The following LRP1 variants were observed in gnomAD, a reference collection of about 807,000 sequenced individuals.
LRP1 encodes LDL receptor related protein 1.
LRP1 carries 51 observed loss-of-function variants against 541.5 expected under a neutral mutation model. That is an observed-to-expected ratio of 0.09 (90% CI 0.08 to 0.12). LRP1 has a LOEUF of 0.12. Among genes scored for constraint, LRP1 ranks in the 10% least tolerant of loss-of-function variants. LRP1 has a pLI of 1.00. For synonymous variants in LRP1, 2,219 were observed against 2,470.8 expected (o/e 0.90, Z 3.02); for missense variants, 3,878 against 6,376.2 (o/e 0.61, Z 13.34).
At chr12:57,132,891 T>G (rs1006935780) in intron 1 of LRP1, among the ~76,000 whole-genome samples, 20 of 151,754 alleles carry the variant, frequency 1.3e-4, no homozygotes, top group South Asian at 2.1e-4. Context: ...TTGGCTATTT[T>G]TCCCCCTTCC....
In LRP1 at chr12:57,198,531, C is replaced by T. The variant is rs376648494; in HGVS notation, c.9537C>T (p.Ser3179=). ...LIGRIGMDGS[S]RSVIVDTKIT... The stretch of plus-strand genomic sequence containing the variant: ...GCCGCATCGGCATGGATGGGTCCAG[C>T]CGCAGCGTCATCGTGGACACCAAGA... The change falls in exon 60 of 89, where the codon AGC becomes AGT. Residue 3179 remains serine (S), a synonymous_variant. Transcript: ENST00000243077. 1.9e-6 allele frequency: 3 copies of T among 1,614,082 alleles called. No homozygotes were observed. Among genetic ancestry groups the T allele is most frequent in the Non-Finnish European group, 1.7e-6 (2 of 1,180,012 alleles).
Position 57,179,689 on chromosome 12 carries a change from C to T in LRP1, c.4967-93C>T. On this transcript the variant is annotated intron_variant, in intron 29 of 88. Transcript: ENST00000243077. This position sits in a 1 kb window ranked among gnomAD's most constrained non-coding sequence, Gnocchi z 6.8. The stretch of plus-strand genomic sequence containing the variant: ...CCCCCTCAGTGCTCCAGCCTGGTTT[C>T]CTGATCCCTTTTCTCCAGAAGGCAC... 7.0e-7 allele frequency: 1 copy of T among 1,434,906 alleles called. No homozygotes were observed. The allele number at this position is 1,434,906 out of a possible 1,614,324, so 88.9% of individuals were successfully genotyped here. A position where few individuals can be genotyped will look rare whatever the true frequency, so the allele number is the denominator to read the frequency against.
chr12:57,148,024 C>T (rs1039037274), intron 6 of LRP1, among the ~76,000 whole-genome samples: 3 of 152,296 alleles, frequency 2.0e-5, no homozygotes, highest in South Asian at 4.1e-4. Flanking sequence ...ATTCCAAGAC[C>T]AGAGAACTCC....
chr12:57,174,520 A>G (rs2036006227), intron 22 of LRP1, among the ~76,000 whole-genome samples: 2 of 152,212 alleles, frequency 1.3e-5, no homozygotes, highest in African/African-American at 4.8e-5. Flanking sequence ...CACACCTGTC[A>G]TTCCAGCACT....
At chr12:57,157,854 G>A (rs553844795) in intron 10 of LRP1, among the ~76,000 whole-genome samples, 167 of 152,348 alleles carry the variant, frequency 1.1e-3, no homozygotes, top group African/African-American at 3.9e-3. Context: ...TGGTGTGAGG[G>A]CAGAGAAGGA....
In LRP1 at chr12:57,185,490, C is replaced by T. The variant is rs2036251018; in HGVS notation, c.6464-41C>T. 1 of 1,530,028 alleles carries T rather than the reference C, an allele frequency of 6.5e-7. No individual in the cohort carries two copies. Among genetic ancestry groups the T allele is most frequent in the Non-Finnish European group, 8.8e-7 (1 of 1,141,608 alleles). The allele number at this position is 1,530,028 out of a possible 1,614,324, so 94.8% of individuals were successfully genotyped here. On this transcript the variant is annotated intron_variant, in intron 40 of 88. Coordinates refer to ENST00000243077, the MANE Select transcript of LRP1 (RefSeq NM_002332.3). This position sits in a 1 kb window ranked among gnomAD's most constrained non-coding sequence, Gnocchi z 4.9. Reference sequence around the variant, plus strand: ...ATGACAAAGGCACCAGTGAGCCTTTCCCAAGGCAGGCCCTGCCCTCTGTAC... The same window carrying T: ...ATGACAAAGGCACCAGTGAGCCTTTTCCAAGGCAGGCCCTGCCCTCTGTAC...
chr12:57,200,408 C>A, intron 62 of LRP1, 34 bp from the exon 63 acceptor site: 1 of 1,231,700 alleles, frequency 8.1e-7, no homozygotes, highest in South Asian at 1.2e-5. Context: ...CCCCAGACCC[C>A]CACCAACCCC....
chr12:57,129,444 G>T (rs923908528), intron 1 of LRP1, among the ~76,000 whole-genome samples: 1 of 152,172 alleles, frequency 6.6e-6, no homozygotes, highest in Non-Finnish European at 1.5e-5. Context: ...TGGGGGTGGG[G>T]GGGGTGGCTT....
At position 57,195,707 on chromosome 12, in the gene LRP1, G is replaced by A. The variant is rs770849832; in HGVS notation, c.8487G>A (p.Gln2829=). ...GTGAGTTCATGTGCCAGAACCGCCA[G>A]TGCATCCCCAAGCACTTCGTGTGTG... ...DDREFMCQNR[Q]CIPKHFVCDH... The change falls in exon 53 of 89, where the codon CAG becomes CAA. Residue 2829 remains glutamine (Q), a synonymous_variant. Transcript: ENST00000243077. 30 of 1,614,178 alleles carry A rather than the reference G, an allele frequency of 1.9e-5. 1 individual carries two copies. In the Middle Eastern group the frequency reaches 4.9e-4, roughly 27 times the overall value.
Position 57,210,806 on chromosome 12 carries a change from C to T in LRP1, c.12843C>T (p.Thr4281=), listed in dbSNP as rs893278214. 3 of 1,613,440 alleles carry T rather than the reference C, an allele frequency of 1.9e-6. No individual in the cohort carries two copies. The highest frequency in any genetic ancestry group is 1.3e-5 in the African/African-American group (1 of 74,938). ...VCAGYCANNS[T]CTVNQGNQPQ... ...CGGGCTACTGTGCCAACAACAGCAC[C>T]TGCACTGTCAACCAGGGCAACCAGC... The change falls in exon 83 of 89, where the codon ACC becomes ACT. Residue 4281 remains threonine, a synonymous_variant. Transcript: ENST00000243077.
At chr12:57,169,035 G>T in intron 19 of LRP1, 105 bp from the exon 20 acceptor site, 1 of 933,216 alleles carries the variant, frequency 1.1e-6, no homozygotes. Context: ...GGGGGGTTAG[G>T]GTGGGCTGAG....
At chr12:57,150,927 T>C (rs1471784468) in intron 6 of LRP1, among the ~76,000 whole-genome samples, 1 of 151,488 alleles carries the variant, frequency 6.6e-6, no homozygotes, top group African/African-American at 2.4e-5. Flanking sequence ...GTGGGGAGGT[T>C]CCTGGAACAA....
intron 8 of LRP1, chr12:57,155,233 G>A (rs1015591166): frequency 2.9e-5 from 6 of 205,262 alleles, no homozygotes; most frequent in Non-Finnish European, 5.9e-5. Context: ...TAGGACAGTT[G>A]GCCACCGCAG....
Position 57,156,324 on chromosome 12 carries a change from C to T in LRP1, c.1417+41C>T. 2 of 1,598,162 alleles carry T rather than the reference C, an allele frequency of 1.3e-6. No homozygotes were observed. The highest frequency in any genetic ancestry group is 1.7e-6 in the Non-Finnish European group (2 of 1,170,112). ...TGGCCCCTCCAAAGCTGGCTTTACC[C>T]CATGATGGCTCTGGGACCTTGGGAT... is the stretch of plus-strand genomic sequence containing the variant. On this transcript the variant is annotated intron_variant, in intron 9 of 88. Transcript: ENST00000243077. This position sits in a 1 kb window ranked among gnomAD's most constrained non-coding sequence, Gnocchi z 5.2.
chr12:57,168,529 C>T (rs573736561), intron 19 of LRP1, among the ~76,000 whole-genome samples: 1 of 152,248 alleles, frequency 6.6e-6, no homozygotes, highest in African/African-American at 2.4e-5. Flanking sequence ...AGGAACATAA[C>T]CCAAACCCCA....
At chr12:57,208,917 G>T in intron 78 of LRP1, 100 bp downstream of exon 78, 1 of 1,166,216 alleles carries the variant, frequency 8.6e-7, no homozygotes. Context: ...ATGGGATGGG[G>T]CTTGGACTGG....
intron 24 of LRP1, among the ~76,000 whole-genome samples, chr12:57,176,675 G>A (rs890839631): frequency 9.9e-5 from 15 of 152,186 alleles, no homozygotes; most frequent in African/African-American, 2.2e-4. Flanking sequence ...GTCCATCAAC[G>A]AGGGGGGAGG....
intron 1 of LRP1, among the ~76,000 whole-genome samples, chr12:57,132,552 G>T (rs2035059120): frequency 6.6e-6 from 1 of 152,166 alleles, no homozygotes; most frequent in South Asian, 2.1e-4. Flanking sequence ...TTCATCCCAG[G>T]ACAACTGTGT....
At chr12:57,187,604 G>T in intron 42 of LRP1, 148 bp downstream of exon 42, 1 of 790,210 alleles carries the variant, frequency 1.3e-6, no homozygotes, top group Non-Finnish European at 2.0e-6. Flanking sequence ...GGGGAGAGGT[G>T]CAAAAGCTTC....
Sources: allele counts gnomAD v4.1 joint callset (sites outside exome capture counted in the v4.1 genomes callset), GRCh38; gene constraint gnomAD v4.1.1; non-coding constraint Gnocchi (gnomAD v3.1); transcripts MANE v1.5; gene names NCBI Gene and HGNC (gene_info 2026-07-23, HGNC 2026-07-21).